Variants in TYW1 observed in about 807,000 individuals in gnomAD.
The protein encoded by TYW1 is S-adenosyl-L-methionine-dependent tRNA 4-demethylwyosine synthase TYW1.
A neutral mutation model predicts 96.2 loss-of-function variants in TYW1; 46 were observed. The ratio of observed to expected loss-of-function variants is 0.48; its 90% CI spans 0.38 to 0.61. The LOEUF (loss-of-function observed/expected upper bound fraction) is 0.61. Among genes scored for constraint, TYW1 ranks in the 20% least tolerant of loss-of-function variants. TYW1 has a pLI of 0.00. For missense variants in TYW1, 684 were observed against 909.6 expected (o/e 0.75, Z 3.19); for synonymous variants, 274 against 323.0 (o/e 0.85, Z 1.63).
Position 67,121,098 on chromosome 7 carries a change from A to C in TYW1, c.1698+3480A>C, listed in dbSNP as rs541251562. ...TGCTGCTCTTAAAAATTTTCCTTTA[A>C]ATTGACTCAAGCTGTTATTTCCTTC... On this transcript the variant is annotated intron_variant, in intron 13 of 15. Coordinates refer to ENST00000359626, the MANE Select transcript of TYW1 (RefSeq NM_018264.4). Among the ~76,000 whole-genome samples the C allele has an allele frequency of 2.6e-5, 4 of 152,248 alleles. No individual in the cohort carries two copies. The South Asian group carries it at 6.2e-4, about 24-fold the overall frequency.
chr7:67,009,808 C>A, intron 4 of TYW1, 124 bp downstream of exon 4: 1 of 879,216 alleles, frequency 1.1e-6, no homozygotes, highest in Non-Finnish European at 1.7e-6. Flanking sequence ...TAAGGGATTT[C>A]AGTTAGTTGA....
In TYW1 at chr7:67,090,105, A is replaced by G. The variant is rs557191594; in HGVS notation, c.1384+6566A>G. On this transcript the variant is annotated intron_variant, in intron 11 of 15. Coordinates refer to ENST00000359626, the MANE Select transcript of TYW1 (RefSeq NM_018264.4). The stretch of plus-strand genomic sequence containing the variant: ...GGCTAGAAGCAAAGTACTGCAAGAC[A>G]TAAAAGATCTCCAACAGATGGTTTT... 5.4e-4 allele frequency among the ~76,000 whole-genome samples: 83 copies of G among 152,374 alleles called. 1 individual carries two copies. In the Middle Eastern group the frequency reaches 0.01, roughly 19 times the overall value.
intron 7 of TYW1, among the ~76,000 whole-genome samples, chr7:67,026,562 A>G (rs1042091943): frequency 2.6e-5 from 4 of 152,154 alleles, no homozygotes; most frequent in African/African-American, 9.7e-5. Flanking sequence ...TAAAAATTCT[A>G]GTAGGTCCTC....
At chr7:67,099,848 C>T (rs1473937562) in intron 12 of TYW1, among the ~76,000 whole-genome samples, 4 of 151,850 alleles carry the variant, frequency 2.6e-5, no homozygotes, top group Non-Finnish European at 5.9e-5. Context: ...ACTAAAAATA[C>T]AAAATTAGCT....
At chr7:67,170,442 C>T (rs1799481277) in intron 13 of TYW1, among the ~76,000 whole-genome samples, 1 of 152,146 alleles carries the variant, frequency 6.6e-6, no homozygotes, top group East Asian at 1.9e-4. Context: ...ATTTTGGGAT[C>T]AGCTTTTAAA....
chr7:67,156,828 C>T (rs1425973307), intron 13 of TYW1, among the ~76,000 whole-genome samples: 6 of 151,314 alleles, frequency 4.0e-5, no homozygotes, highest in Non-Finnish European at 5.9e-5. Flanking sequence ...TGAATTCTCT[C>T]TCTGGAACAG....
intron 7 of TYW1, among the ~76,000 whole-genome samples, chr7:67,035,125 T>C (rs1794793212): frequency 9.4e-6 from 1 of 106,444 alleles, no homozygotes; most frequent in Non-Finnish European, 1.9e-5. Context: ...CATTTCTTTC[T>C]TTTTTTTTTT....
chr7:67,059,645 G>C (rs1795634644), intron 9 of TYW1, among the ~76,000 whole-genome samples: 1 of 148,036 alleles, frequency 6.8e-6, no homozygotes, highest in Non-Finnish European at 1.5e-5. Context: ...CTCTCCTCAT[G>C]GTCTTCCCTG....
chr7:67,017,182 C>T (rs746705906), intron 5 of TYW1, among the ~76,000 whole-genome samples: 13 of 151,812 alleles, frequency 8.6e-5, no homozygotes, highest in African/African-American at 1.5e-4. Context: ...GGGGTCTCAC[C>T]GTGTTGGCCA....
At chr7:67,162,705 A>G (rs975660173) in intron 13 of TYW1, among the ~76,000 whole-genome samples, 20 of 152,312 alleles carry the variant, frequency 1.3e-4, no homozygotes, top group South Asian at 1.0e-3. Flanking sequence ...ACTTTTGTCA[A>G]TATCCTCGGA....
chr7:67,058,676 A>T (rs1021030011), intron 9 of TYW1, among the ~76,000 whole-genome samples: 1 of 151,698 alleles, frequency 6.6e-6, no homozygotes, highest in Non-Finnish European at 1.5e-5. Context: ...GGGTTTCATC[A>T]TGTTGCCCAT....
intron 13 of TYW1, among the ~76,000 whole-genome samples, chr7:67,182,402 A>C (rs1799868320): frequency 6.6e-6 from 1 of 152,158 alleles, no homozygotes; most frequent in Non-Finnish European, 1.5e-5. Flanking sequence ...CATCTCTAAA[A>C]AAATTTTTAA....
chr7:67,078,573 G>C (rs554417196), intron 10 of TYW1, among the ~76,000 whole-genome samples: 2 of 152,262 alleles, frequency 1.3e-5, no homozygotes, highest in South Asian at 2.1e-4. Context: ...AAATTGCTTT[G>C]GGTGGTATGA....
chr7:67,145,993 T>C (rs1798599342), intron 13 of TYW1, among the ~76,000 whole-genome samples: 2 of 152,178 alleles, frequency 1.3e-5, no homozygotes, highest in South Asian at 4.1e-4. Flanking sequence ...CTTGAACTCC[T>C]GGGCTCAAGC....
intron 15 of TYW1, among the ~76,000 whole-genome samples, chr7:67,227,815 A>G (rs1382944234): frequency 6.6e-6 from 1 of 152,216 alleles, no homozygotes; most frequent in East Asian, 1.9e-4. Flanking sequence ...CCTCTGCGAT[A>G]GGACAACCGG....
chr7:67,239,281 A>G lies in TYW1; in HGVS notation c.*752A>G. 1.0e-6 allele frequency: 1 copy of G among 985,408 alleles called. No homozygotes were observed. Among genetic ancestry groups the G allele is most frequent in the Non-Finnish European group, 1.2e-6 (1 of 829,938 alleles). The allele number at this position is 985,408 out of a possible 1,614,324, so 61.0% of individuals were successfully genotyped here. A position where few individuals can be genotyped will look rare whatever the true frequency, so the allele number is the denominator to read the frequency against. Reference sequence around the variant, plus strand: ...AACACACTTTGGACTGAAGAGGATCATTTCTTTTTGTTCGTGAGGTCACTG... The same window carrying G: ...AACACACTTTGGACTGAAGAGGATCGTTTCTTTTTGTTCGTGAGGTCACTG... On this transcript the variant is annotated 3_prime_UTR_variant, in exon 16 of 16. Coordinates refer to ENST00000359626, the MANE Select transcript of TYW1 (RefSeq NM_018264.4).
intron 15 of TYW1, among the ~76,000 whole-genome samples, chr7:67,201,070 G>A (rs1800582984): frequency 6.6e-6 from 1 of 152,006 alleles, no homozygotes; most frequent in South Asian, 2.1e-4. Context: ...AGAGCTTTAG[G>A]TAGGGGAGTG....
chr7:67,191,650 C>T (rs1014117573), intron 14 of TYW1, among the ~76,000 whole-genome samples: 2 of 149,076 alleles, frequency 1.3e-5, no homozygotes, highest in African/African-American at 5.0e-5. Flanking sequence ...AAAGTCAGGG[C>T]AAGCCATCAG....
chr7:67,016,373 C>G (rs1001338558), intron 5 of TYW1, among the ~76,000 whole-genome samples: 3 of 151,444 alleles, frequency 2.0e-5, no homozygotes, highest in Admixed American at 1.3e-4. Flanking sequence ...CATGGAGAAA[C>G]CCCATCTCTA....
Sources: gnomAD v4.1 joint callset for allele counts (sites outside exome capture counted in the v4.1 genomes callset) on GRCh38, gnomAD v4.1.1 for gene constraint, MANE v1.5 for transcripts, NCBI Gene and HGNC (gene_info 2026-07-23, HGNC 2026-07-21) for gene names.